Variants in DNAH9 observed in about 807,000 individuals in gnomAD.
DNAH9 encodes DNAH9 variant protein.
In DNAH9, 345 loss-of-function variants were observed where a neutral mutation model predicts 471.6. That is an observed-to-expected ratio of 0.73 (90% CI 0.67 to 0.80). DNAH9 has a LOEUF of 0.80. DNAH9 is among the 30% of genes least tolerant of loss of function. The probability of loss-of-function intolerance (pLI) is 0.00; values close to 1 mark genes in which losing one functional copy is unlikely to be tolerated. For missense variants in DNAH9, 5,407 were observed against 5,609.2 expected (o/e 0.96, Z 1.15); for synonymous variants, 2,093 against 2,123.6 (o/e 0.99, Z 0.40).
At position 11,784,287 on chromosome 17, in the gene DNAH9, G is replaced by T. The variant is rs1423749483; in HGVS notation, c.7822-13G>T. 6.2e-7 allele frequency: 1 copy of T among 1,612,620 alleles called. No individual in the cohort carries two copies. Among genetic ancestry groups the T allele is most frequent in the Non-Finnish European group, 8.5e-7 (1 of 1,178,752 alleles). ...TAACGGATGTTGAGCTCATGCCTTT[G>T]TTTCCTGTACAGCGTCACTTCAGCG... On this transcript the variant is annotated splice_polypyrimidine_tract_variant and intron_variant, in intron 40 of 68. Coordinates refer to ENST00000262442, the MANE Select transcript of DNAH9 (RefSeq NM_001372.4).
chr17:11,703,480 C>T (rs1003998609), intron 24 of DNAH9, among the ~76,000 whole-genome samples: 1 of 151,980 alleles, frequency 6.6e-6, no homozygotes, highest in Non-Finnish European at 1.5e-5. Flanking sequence ...GAGTGGTGTC[C>T]CCCAAACCAA....
chr17:11,866,554 C>G (rs1043556179), intron 50 of DNAH9, among the ~76,000 whole-genome samples: 3 of 152,182 alleles, frequency 2.0e-5, no homozygotes, highest in African/African-American at 7.2e-5. Context: ...TCAAAGCTGT[C>G]AGACAGAGAC....
intron 32 of DNAH9, among the ~76,000 whole-genome samples, chr17:11,749,275 A>G (rs2005808): frequency 0.94 from 142,872 of 151,498 alleles, 67,894 homozygotes; most frequent in East Asian, 1. Flanking sequence ...TAGTAGAGAC[A>G]GGGTTTCACC....
Position 11,763,607 on chromosome 17 carries a change from A to G in DNAH9, c.7163A>G (p.Gln2388Arg), listed in dbSNP as rs1967811238. 6.2e-7 allele frequency: 1 copy of G among 1,613,904 alleles called. No individual in the cohort carries two copies. Among genetic ancestry groups the G allele is most frequent in the African/African-American group, 1.3e-5 (1 of 74,924 alleles). The change falls in exon 36 of 69, where the codon CAA (glutamine) becomes CGA (arginine). Residue 2388 changes from glutamine (Q) to arginine (R), a missense_variant. By Grantham distance (43) the Gln-to-Arg change is conservative (BLOSUM62 1). Coordinates refer to ENST00000262442, the MANE Select transcript of DNAH9 (RefSeq NM_001372.4). ...AIWAFGGAMV[Q>R]DQLVDYRAEF... ...TGGGCTTTCGGCGGAGCAATGGTCC[A>G]AGATCAGGTAAGGAGATATGTTGAG...
At chr17:11,849,407 T>C (rs1032015776) in intron 49 of DNAH9, among the ~76,000 whole-genome samples, 1 of 152,162 alleles carries the variant, frequency 6.6e-6, no homozygotes, top group African/African-American at 2.4e-5. Context: ...CCAGTGAAAT[T>C]AGAGTAAAAT....
In DNAH9 at chr17:11,759,517, CTTTTTTTTTT is replaced by C. The variant is rs1157505657; in HGVS notation, c.6995+1839_6995+1848del. Among the ~76,000 whole-genome samples the C allele has an allele frequency of 5.6e-4, 47 of 83,936 alleles. 1 individual carries two copies. The highest frequency in any genetic ancestry group is 2.0e-3 in the African/African-American group (44 of 22,478). The allele number at this position is 83,936 out of a possible 152,430, so 55.1% of individuals were successfully genotyped here. A position where few individuals can be genotyped will look rare whatever the true frequency, so the allele number is the denominator to read the frequency against. On this transcript the variant is annotated intron_variant, in intron 35 of 68. Coordinates refer to ENST00000262442, the MANE Select transcript of DNAH9 (RefSeq NM_001372.4). ...TATACATAGGTATATATACACACCA[CTTTTTTTTTT>C]TTTTTTTTTTTTTGAGTCGTTGTCT...
chr17:11,782,457 A>G (rs1288416757), intron 39 of DNAH9, among the ~76,000 whole-genome samples: 1 of 151,968 alleles, frequency 6.6e-6, no homozygotes, highest in African/African-American at 2.4e-5. Context: ...ACATCTATAC[A>G]ACTCACCCGT....
chr17:11,609,535 G>C (rs1465778584), intron 2 of DNAH9, among the ~76,000 whole-genome samples: 1 of 152,098 alleles, frequency 6.6e-6, no homozygotes, highest in Admixed American at 6.5e-5. Flanking sequence ...ACAATCACTT[G>C]TGCCGTATCA....
chr17:11,884,058 A>C (rs1216472103), intron 56 of DNAH9, among the ~76,000 whole-genome samples: 1 of 152,190 alleles, frequency 6.6e-6, no homozygotes, highest in Non-Finnish European at 1.5e-5. Flanking sequence ...GTAGCTCAAA[A>C]TGGATACCTC....
intron 38 of DNAH9, among the ~76,000 whole-genome samples, chr17:11,774,328 A>T (rs570468548): frequency 6.6e-6 from 1 of 151,836 alleles, no homozygotes; most frequent in African/African-American, 2.4e-5. Context: ...TTGCCATACT[A>T]TACCTTTCTT....
intron 17 of DNAH9, among the ~76,000 whole-genome samples, chr17:11,670,285 A>C (rs1308892022): frequency 6.6e-6 from 1 of 152,140 alleles, no homozygotes; most frequent in Non-Finnish European, 1.5e-5. Flanking sequence ...TGTCTGTCCT[A>C]CTGTGACCTA....
intron 30 of DNAH9, among the ~76,000 whole-genome samples, chr17:11,743,514 ACT>A (rs1185924105): frequency 1.3e-5 from 2 of 152,192 alleles, no homozygotes; most frequent in South Asian, 2.1e-4. Context: ...TGTCCTTATC[ACT>A]CTCTGCTAAA....
At chr17:11,762,155 G>T (rs773292424) in intron 35 of DNAH9, among the ~76,000 whole-genome samples, 1 of 152,222 alleles carries the variant, frequency 6.6e-6, no homozygotes, top group Non-Finnish European at 1.5e-5. Context: ...AGCATTTGTT[G>T]TAAGAATTGC....
At chr17:11,855,368 A>G (rs1567851349) in intron 50 of DNAH9, among the ~76,000 whole-genome samples, 1 of 152,258 alleles carries the variant, frequency 6.6e-6, no homozygotes. Context: ...TTAATTAATT[A>G]CAGTTTTCTG....
rs147708076 is a variant in DNAH9, at chr17:11,831,555, A to G, written c.9247-3083A>G. On this transcript the variant is annotated intron_variant, in intron 48 of 68. Coordinates refer to ENST00000262442, the MANE Select transcript of DNAH9 (RefSeq NM_001372.4). Reference sequence around the variant, plus strand: ...GTTTGGAGGGTCAAATATCCAGACTATAACAGTCTCCAGCCCTCAGTGTAG... The same window carrying G: ...GTTTGGAGGGTCAAATATCCAGACTGTAACAGTCTCCAGCCCTCAGTGTAG... Among the ~76,000 whole-genome samples the G allele has an allele frequency of 2.3e-4, 35 of 152,212 alleles. No homozygotes were observed. The East Asian group carries it at 6.6e-3, about 29-fold the overall frequency.
intron 49 of DNAH9, among the ~76,000 whole-genome samples, chr17:11,843,863 G>GTGTGTGTGTGTGTGTGTATATATATATA (rs1253794533): frequency 2.2e-5 from 1 of 46,466 alleles, no homozygotes; most frequent in Non-Finnish European, 4.1e-5. Flanking sequence ...GTGTGTGTGT[G>GTGTGTGTGTGTGTGTGTATATATATATA]TATATATATA....
intron 50 of DNAH9, among the ~76,000 whole-genome samples, chr17:11,859,084 CAAAAAAA>C (rs56040033): frequency 1.2e-4 from 8 of 64,374 alleles, no homozygotes; most frequent in Admixed American, 2.2e-4. Flanking sequence ...AACCCCGTCT[CAAAAAAA>C]AAAAAAAAAA....
intron 50 of DNAH9, among the ~76,000 whole-genome samples, chr17:11,860,570 G>GT (rs34789405): frequency 3.3e-3 from 483 of 147,744 alleles, no homozygotes; most frequent in South Asian, 0.012. Flanking sequence ...GTTGTTTGTT[G>GT]TTTTTTTTTT....
At chr17:11,818,402 C>T (rs1221286691) in intron 45 of DNAH9, among the ~76,000 whole-genome samples, 1 of 150,914 alleles carries the variant, frequency 6.6e-6, no homozygotes, top group Non-Finnish European at 1.5e-5. Flanking sequence ...GCACTCCAGC[C>T]TGGTGACAGA....
Sources: allele counts gnomAD v4.1 joint callset (sites outside exome capture counted in the v4.1 genomes callset), GRCh38; gene constraint gnomAD v4.1.1; transcripts MANE v1.5; gene names NCBI Gene and HGNC (gene_info 2026-07-23, HGNC 2026-07-21).